Variants in RNF216 observed in about 807,000 individuals in gnomAD.
The protein encoded by RNF216 is ring finger protein 216.
A neutral mutation model predicts 110.8 loss-of-function variants in RNF216; 72 were observed. The observed-to-expected ratio is 0.65, with a 90% CI of 0.54 to 0.79. The LOEUF is 0.79. RNF216 is among the 30% of genes least tolerant of loss of function. The pLI is 0.00. For missense variants in RNF216, 1,342 were observed against 1,141.2 expected (o/e 1.18, Z -2.54); for synonymous variants, 495 against 407.5 (o/e 1.21, Z -2.59).
In RNF216 at chr7:5,748,941, T is replaced by C. The variant is rs148915566; in HGVS notation, c.201+3905A>G. On this transcript the variant is annotated intron_variant, in intron 3 of 16. Coordinates refer to ENST00000389902, the MANE Select transcript of RNF216 (RefSeq NM_207111.4). The stretch of plus-strand genomic sequence containing the variant: ...CTGCTTCTCTGTGTCTCCGTGTCTA[T>C]ATATGCGTTATGTGTGTGTGGTATT... 1.8e-3 allele frequency among the ~76,000 whole-genome samples: 271 copies of C among 152,248 alleles called. 1 individual carries two copies. Among genetic ancestry groups the C allele is most frequent in the South Asian group, 4.1e-3 (20 of 4,830 alleles).
At chr7:5,771,760 G>A (rs551718239) in intron 1 of RNF216, among the ~76,000 whole-genome samples, 1 of 152,302 alleles carries the variant, frequency 6.6e-6, no homozygotes, top group African/African-American at 2.4e-5. Flanking sequence ...TCCCGCCACT[G>A]CATTCCAGCC....
At chr7:5,773,786 T>A (rs183588930) in intron 1 of RNF216, among the ~76,000 whole-genome samples, 153 of 152,306 alleles carry the variant, frequency 1.0e-3, no homozygotes, top group Non-Finnish European at 2.0e-3. Flanking sequence ...CAGGCTGATC[T>A]TGAACTCCTG....
At chr7:5,749,621 C>A (rs1322445645) in intron 3 of RNF216, among the ~76,000 whole-genome samples, 1 of 152,160 alleles carries the variant, frequency 6.6e-6, no homozygotes, top group Non-Finnish European at 1.5e-5. Flanking sequence ...CATTTTAAGT[C>A]TTGCTGTCCA....
intron 2 of RNF216, among the ~76,000 whole-genome samples, chr7:5,754,334 AT>A (rs200107868): frequency 1.3e-5 from 2 of 150,882 alleles, no homozygotes; most frequent in Admixed American, 6.6e-5. Context: ...TAAAAAAAAA[AT>A]TTTTTTTTGT....
At chr7:5,742,214 T>G (rs1027510829) in intron 3 of RNF216, among the ~76,000 whole-genome samples, 15 of 152,082 alleles carry the variant, frequency 9.9e-5, no homozygotes, top group Admixed American at 1.3e-4. Context: ...GTCCAGCTAA[T>G]TTTTGTGTTT....
chr7:5,775,932 C>T (rs1346905494), intron 1 of RNF216, among the ~76,000 whole-genome samples: 1 of 151,926 alleles, frequency 6.6e-6, no homozygotes, highest in African/African-American at 2.4e-5. Context: ...ATGACATGCC[C>T]GTGTCACACC....
At chr7:5,773,604 G>T (rs891713706) in intron 1 of RNF216, among the ~76,000 whole-genome samples, 2 of 151,964 alleles carry the variant, frequency 1.3e-5, no homozygotes, top group Non-Finnish European at 2.9e-5. Context: ...ATCTTGCTTT[G>T]TCACCCAGGC....
At chr7:5,775,026 G>GT (rs1164735507) in intron 1 of RNF216, 3 of 152,246 alleles carry the variant, frequency 2.0e-5, no homozygotes, top group East Asian at 1.9e-4. Context: ...GATTACAGTC[G>GT]TAAGTCACTG....
intron 7 of RNF216, among the ~76,000 whole-genome samples, chr7:5,726,687 G>A (rs1181973449): frequency 6.6e-6 from 1 of 151,884 alleles, no homozygotes; most frequent in Non-Finnish European, 1.5e-5. Context: ...GCAAAACCCC[G>A]TCTCTAGTAA....
intron 5 of RNF216, among the ~76,000 whole-genome samples, chr7:5,735,759 C>A (rs1278395862): frequency 6.6e-6 from 1 of 152,118 alleles, no homozygotes; most frequent in African/African-American, 2.4e-5. Flanking sequence ...ACACTCTTAA[C>A]GGTTTTGCCT....
At chr7:5,742,885 C>T (rs114024383) in intron 3 of RNF216, among the ~76,000 whole-genome samples, 12 of 152,074 alleles carry the variant, frequency 7.9e-5, no homozygotes, top group African/African-American at 1.9e-4. Context: ...TGTGGGGCAC[C>T]GCGCTTGGCC....
intron 2 of RNF216, among the ~76,000 whole-genome samples, chr7:5,753,964 T>C (rs1584577703): frequency 1.3e-5 from 2 of 152,234 alleles, no homozygotes; most frequent in African/African-American, 2.4e-5. Context: ...CACTGCACTC[T>C]AGCCTGGGTG....
chr7:5,776,410 C>A (rs1381684758), intron 1 of RNF216, among the ~76,000 whole-genome samples: 2 of 148,130 alleles, frequency 1.4e-5, no homozygotes, highest in East Asian at 3.9e-4. Flanking sequence ...GGTGAAACCC[C>A]GTCTCTACTT....
chr7:5,763,801 G>A (rs987475270), intron 1 of RNF216, among the ~76,000 whole-genome samples: 4 of 152,076 alleles, frequency 2.6e-5, no homozygotes, highest in African/African-American at 7.2e-5. Context: ...TGGATATCCC[G>A]GTCTCAAGCA....
chr7:5,752,714 T>C (rs1400747884), intron 3 of RNF216, 132 bp downstream of exon 3: 12 of 784,834 alleles, frequency 1.5e-5, no homozygotes, highest in Admixed American at 2.9e-5. Flanking sequence ...GTACACGAGG[T>C]AGAATGGAAA....
At chr7:5,725,019 T>C (rs936044502) in intron 8 of RNF216, among the ~76,000 whole-genome samples, 25 of 152,176 alleles carry the variant, frequency 1.6e-4, no homozygotes, top group Admixed American at 1.4e-3. Context: ...GCATCAAACC[T>C]TTGAGACCAG....
chr7:5,764,284 A>T (rs1490502439), intron 1 of RNF216, among the ~76,000 whole-genome samples: 1 of 152,100 alleles, frequency 6.6e-6, no homozygotes, highest in African/African-American at 2.4e-5. Context: ...GCTATTGGAC[A>T]GTAGTAAAAA....
chr7:5,709,333 T>C (rs1359700009), intron 13 of RNF216, among the ~76,000 whole-genome samples: 1 of 152,220 alleles, frequency 6.6e-6, no homozygotes, highest in Non-Finnish European at 1.5e-5. Flanking sequence ...CACATGGTGC[T>C]GTGCCAGGGG....
At chr7:5,678,513 G>A (rs536850029) in intron 13 of RNF216, among the ~76,000 whole-genome samples, 14 of 152,320 alleles carry the variant, frequency 9.2e-5, no homozygotes, top group African/African-American at 3.4e-4. Flanking sequence ...ATGGCTCTGG[G>A]CCCGCCTGAG....
Sources: gnomAD v4.1 joint callset for allele counts (sites outside exome capture counted in the v4.1 genomes callset) on GRCh38, gnomAD v4.1.1 for gene constraint, MANE v1.5 for transcripts, NCBI Gene and HGNC (gene_info 2026-07-23, HGNC 2026-07-21) for gene names.